INSRR: variants seen among roughly 807,000 people sequenced by gnomAD.
The protein encoded by INSRR is insulin receptor related receptor, also known as insulin receptor-related protein.
INSRR carries 114 observed loss-of-function variants against 130.0 expected under a neutral mutation model. The ratio of observed to expected loss-of-function variants is 0.88; its 90% CI spans 0.75 to 1.02. INSRR has a LOEUF of 1.02. Among genes scored for constraint, INSRR ranks in the 50% least tolerant of loss-of-function variants. The pLI, the probability that INSRR is intolerant of heterozygous loss-of-function variation, is 0.00. For synonymous variants in INSRR, 674 were observed against 705.2 expected (o/e 0.96, Z 0.70); for missense variants, 1,657 against 1,735.2 (o/e 0.95, Z 0.80).
At position 156,846,674 on chromosome 1, in the gene INSRR, AG is replaced by A. The variant is rs1228954412; in HGVS notation, c.1654del (p.Leu552Ter). On this transcript the variant is annotated frameshift_variant, in exon 8 of 22. Coordinates refer to ENST00000368195, the MANE Select transcript of INSRR (RefSeq NM_014215.3). LOFTEE classifies it high-confidence loss of function. ...SWNLLDVELP[L>X]SRTQEPGVTL... The stretch of plus-strand genomic sequence containing the variant: ...CACCCCTGGCTCCTGGGTGCGGCTT[AG>A]GGGCAGCTCCACATCCAGCAGGTTC... The A allele has an allele frequency of 1.9e-6, 3 of 1,614,182 alleles. No individual in the cohort carries two copies. The highest frequency in any genetic ancestry group is 2.5e-6 in the Non-Finnish European group (3 of 1,180,036).
intron 7 of INSRR, among the ~76,000 whole-genome samples, chr1:156,848,366 C>G (rs890336167): frequency 5.3e-5 from 8 of 152,214 alleles, no homozygotes; most frequent in African/African-American, 1.9e-4. Context: ...AAATCCACTT[C>G]CCTCCTCTAA....
In INSRR at chr1:156,841,067, G is replaced by A. The variant is rs377336212; in HGVS notation, c.3700C>T (p.Arg1234Cys). 1.2e-5 allele frequency: 19 copies of A among 1,575,362 alleles called. No individual in the cohort carries two copies. Among genetic ancestry groups the A allele is most frequent in the South Asian group, 4.6e-5 (4 of 86,636 alleles). Residue 1234 changes from arginine to cysteine, a missense_variant, in exon 22 of 22, where the codon CGC becomes TGC. Physicochemically the swap from Arg to Cys is radical, Grantham distance 180 (BLOSUM62 -3). Coordinates refer to ENST00000368195, the MANE Select transcript of INSRR (RefSeq NM_014215.3). ...LMSRCWQPNP[R>C]LRPSFTHILD... ...ATGTGTGTGAAAGATGGGCGCAGGC[G>A]TGGGTTCGGCTGCCAGCAGCGGCTC...
intron 7 of INSRR, among the ~76,000 whole-genome samples, chr1:156,847,514 T>C (rs1289698842): frequency 2.0e-5 from 3 of 152,114 alleles, no homozygotes; most frequent in Non-Finnish European, 4.4e-5. Flanking sequence ...TGATAATTTG[T>C]TTCTTTGGAC....
At chr1:156,858,398 A>G in intron 1 of INSRR, 139 bp downstream of exon 1, 1 of 677,206 alleles carries the variant, frequency 1.5e-6, no homozygotes, top group East Asian at 2.7e-5. Flanking sequence ...CCTGCTGGGC[A>G]GTTCTCCTGA....
At chr1:156,857,402 C>G (rs1468849526) in intron 1 of INSRR, among the ~76,000 whole-genome samples, 2 of 152,170 alleles carry the variant, frequency 1.3e-5, no homozygotes, top group African/African-American at 4.8e-5. Flanking sequence ...AAAAACAAAT[C>G]TAAAACCTTC....
rs778829579 is a variant in INSRR at position 156,853,877 on chromosome 1, T to C, written c.512A>G (p.Lys171Arg). 3.7e-5 allele frequency: 59 copies of C among 1,614,044 alleles called. No individual in the cohort carries two copies. Among genetic ancestry groups the C allele is most frequent in the Non-Finnish European group, 5.0e-5 (59 of 1,180,036 alleles). Residue 171 changes from lysine to arginine, a missense_variant, in exon 2 of 22, where the codon AAG (lysine) becomes AGG (arginine). By Grantham distance (26) the Lys-to-Arg change is conservative (BLOSUM62 2). Transcript: ENST00000368195. ...APGANHIVGN[K>R]LGEECADVCP... ...CACGTCAGCACACTCCTCGCCCAGCTTGTTGCCCACGATGTGGTTGGCGCC... is the reference window on the plus strand; with the variant it reads ...CACGTCAGCACACTCCTCGCCCAGCCTGTTGCCCACGATGTGGTTGGCGCC...
Position 156,851,079 on chromosome 1 carries a change from A to T in INSRR, c.1229+211T>A, listed in dbSNP as rs1041252238. 6 of 642,166 alleles carry T rather than the reference A, an allele frequency of 9.3e-6. No homozygotes were observed. In the Admixed American group the frequency reaches 1.5e-4, roughly 16 times the overall value. 39.8% of individuals were successfully genotyped at this position (642,166 alleles called of 1,614,324 possible). ...GTGCTTTACACATAACAACTTGAGT[A>T]ATATTCAAAACAGTCCTGAGAAGTA... On this transcript the variant is annotated intron_variant, in intron 5 of 21. Coordinates refer to ENST00000368195, the MANE Select transcript of INSRR (RefSeq NM_014215.3).
At chr1:156,851,544 A>G (rs1406113426) in intron 4 of INSRR, 102 bp downstream of exon 4, 3 of 1,606,532 alleles carry the variant, frequency 1.9e-6, no homozygotes, top group African/African-American at 2.7e-5. Flanking sequence ...ACTGGGACCC[A>G]GGATGATGGA....
chr1:156,858,535 A>G lies in INSRR; in HGVS notation c.85+2T>C, dbSNP rs1489630914. On this transcript the variant is annotated splice_donor_variant, in intron 1 of 21. Coordinates refer to ENST00000368195, the MANE Select transcript of INSRR (RefSeq NM_014215.3). LOFTEE classifies it high-confidence loss of function. Reference sequence around the variant, plus strand: ...GTCTGGGAGCCAGTTCTGGGGACTCACCCTCTACTGTATCCAGGCCAAATC... The same window carrying G: ...GTCTGGGAGCCAGTTCTGGGGACTCGCCCTCTACTGTATCCAGGCCAAATC... The G allele has an allele frequency of 1.8e-5, 29 of 1,612,176 alleles. No homozygotes were observed. Among genetic ancestry groups the G allele is most frequent in the Non-Finnish European group, 2.5e-5 (29 of 1,179,094 alleles).
Position 156,854,028 on chromosome 1 carries a change from G to T in INSRR, c.361C>A (p.Pro121Thr). 1 of 1,614,038 alleles carries T rather than the reference G, an allele frequency of 6.2e-7. No homozygotes were observed. The highest frequency in any genetic ancestry group is 8.5e-7 in the Non-Finnish European group (1 of 1,180,000). The change falls in exon 2 of 22, where the codon CCA (proline) becomes ACA (threonine). Residue 121 changes from proline (P) to threonine (T), a missense_variant. Physicochemically the swap from Pro to Thr is conservative, Grantham distance 38 (BLOSUM62 -1). Transcript: ENST00000368195. This position sits in a 1 kb window ranked among gnomAD's most constrained non-coding sequence, Gnocchi z 4.2. ...LGYALVIFEM[P>T]HLRDVALPAL... ...GGCAGTGCCACGTCACGCAGATGTG[G>T]CATCTCAAAGATGACCAGTGCATAG...
chr1:156,846,147 G>C, intron 8 of INSRR, 28 bp from the exon 9 acceptor site: 1 of 1,554,050 alleles, frequency 6.4e-7, no homozygotes, highest in Non-Finnish European at 8.7e-7. Flanking sequence ...ATGCAACTCA[G>C]GGGTGTGGGT....
At position 156,851,967 on chromosome 1, in the gene INSRR, C is replaced by G. The variant is rs143605369; in HGVS notation, c.862G>C (p.Gly288Arg). ...ERCASLHSVP[G>R]RASTFGIHQG... Reference sequence around the variant, plus strand: ...TGTATGCCGAAGGTGGAGGCACGGCCGGGCACAGAGTGCAGGCTGGCACAG... The same window carrying G: ...TGTATGCCGAAGGTGGAGGCACGGCGGGGCACAGAGTGCAGGCTGGCACAG... The change falls in exon 3 of 22, where the codon GGC becomes CGC. Residue 288 changes from glycine (G) to arginine (R), a missense_variant. Gly to Arg is a moderately radical substitution (Grantham distance 125, BLOSUM62 -2). Transcript: ENST00000368195. The G allele has an allele frequency of 1.9e-6, 3 of 1,608,642 alleles. No homozygotes were observed. Among genetic ancestry groups the G allele is most frequent in the Non-Finnish European group, 2.6e-6 (3 of 1,175,806 alleles).
Position 156,844,630 on chromosome 1 carries a change from A to G in INSRR, c.2575-6T>C. On this transcript the variant is annotated splice_polypyrimidine_tract_variant and splice_region_variant and intron_variant, in intron 13 of 21. Coordinates refer to ENST00000368195, the MANE Select transcript of INSRR (RefSeq NM_014215.3). ...ACACACAGCACTGTGGCCTCCTGAG[A>G]GTAACGCAGAACAGCTGGCTGGGAA... 1 of 1,614,084 alleles carries G rather than the reference A, an allele frequency of 6.2e-7. No individual in the cohort carries two copies. Among genetic ancestry groups the G allele is most frequent in the Non-Finnish European group, 8.5e-7 (1 of 1,179,954 alleles).
In INSRR at chr1:156,841,894, G is replaced by C. The variant is rs1654803458; in HGVS notation, c.3398-100C>G. 3.8e-6 allele frequency: 6 copies of C among 1,599,216 alleles called. No homozygotes were observed. In the East Asian group the frequency reaches 1.3e-4, roughly 36 times the overall value. On this transcript the variant is annotated intron_variant, in intron 19 of 21. Transcript: ENST00000368195. ...TCTCCCAATCTTCTCATCCTCCAGA[G>C]TCACCAAGAACCCTGGAAAGTAGGG...
rs1176849796 is a variant in INSRR at position 156,849,270 on chromosome 1, G to A, written c.1420C>T (p.Arg474Cys). Residue 474 changes from arginine (R) to cysteine (C), a missense_variant, in exon 6 of 22, where the codon CGC becomes TGC. Physicochemically the swap from Arg to Cys is radical, Grantham distance 180. Coordinates refer to ENST00000368195, the MANE Select transcript of INSRR (RefSeq NM_014215.3). ...CAGGCGGCGCGGTCTCCGTTGGTGC[G>A]GGGGTTGATCTCAGCCTTGTTCTGC... is the stretch of plus-strand genomic sequence containing the variant. ...GRQNKAEINP[R>C]TNGDRAACQT... The A allele has an allele frequency of 1.2e-6, 2 of 1,613,924 alleles. No homozygotes were observed. Among genetic ancestry groups the A allele is most frequent in the Non-Finnish European group, 1.7e-6 (2 of 1,180,010 alleles).
rs184313771 is a variant in INSRR at position 156,841,138 on chromosome 1, C to T, written c.3663-34G>A. On this transcript the variant is annotated intron_variant, in intron 21 of 21. Coordinates refer to ENST00000368195, the MANE Select transcript of INSRR (RefSeq NM_014215.3). ...TGTGGGGAGCAGGGTCAGAGGCATC[C>T]GGGAGCCCCTGCCACGCTCTCAGCC... The T allele has an allele frequency of 8.9e-4, 1,335 of 1,492,306 alleles. 6 individuals are homozygous for T. The Middle Eastern group carries it at 9.8e-3, about 11-fold the overall frequency. The allele number at this position is 1,492,306 out of a possible 1,614,324, so 92.4% of individuals were successfully genotyped here.
At chr1:156,851,582 G>A (rs1655209705) in intron 4 of INSRR, 64 bp downstream of exon 4, 2 of 1,611,586 alleles carry the variant, frequency 1.2e-6, no homozygotes, top group African/African-American at 1.3e-5. Context: ...GTCATTGTAA[G>A]GGTTGTGTCT....
At position 156,853,974 on chromosome 1, in the gene INSRR, C is replaced by G; in HGVS notation, c.415G>C (p.Val139Leu). 1 of 1,612,814 alleles carries G rather than the reference C, an allele frequency of 6.2e-7. No individual in the cohort carries two copies. The highest frequency in any genetic ancestry group is 1.3e-5 in the African/African-American group (1 of 75,058). ...PALGAVLRGA[V>L]RVEKNQELCH... ...AGCTCCTGGTTCTTCTCCACACGCACAGCCCCACGCAGCACGGCCCCAAGT... is the reference window on the plus strand; with the variant it reads ...AGCTCCTGGTTCTTCTCCACACGCAGAGCCCCACGCAGCACGGCCCCAAGT... Residue 139 changes from valine (V) to leucine (L), a missense_variant, in exon 2 of 22, where the codon GTG becomes CTG. Transcript: ENST00000368195.
intron 14 of INSRR, 60 bp downstream of exon 14, chr1:156,844,402 G>C: frequency 6.3e-7 from 1 of 1,584,344 alleles, no homozygotes; most frequent in African/African-American, 1.3e-5. Context: ...GGCCTGTGGT[G>C]GGCTGGGGAC....
Sources: gnomAD v4.1 joint callset for allele counts (sites outside exome capture counted in the v4.1 genomes callset) on GRCh38, gnomAD v4.1.1 for gene constraint, Gnocchi (gnomAD v3.1) non-coding constraint, MANE v1.5 for transcripts, NCBI Gene and HGNC (gene_info 2026-07-23, HGNC 2026-07-21) for gene names.